The following LRP6 variants were observed in gnomAD, a reference collection of about 807,000 sequenced individuals.
LRP6 encodes the protein LDL receptor related protein 6, also known as low-density lipoprotein receptor-related protein 6.
LRP6 carries 43 observed loss-of-function variants against 184.1 expected under a neutral mutation model. That is an observed-to-expected ratio of 0.23 (90% CI 0.18 to 0.30). LRP6 has a LOEUF of 0.30. Among genes scored for constraint, LRP6 ranks in the 10% least tolerant of loss-of-function variants. The pLI is 1.00. For synonymous variants in LRP6, 719 were observed against 684.9 expected, an observed-to-expected ratio of 1.05 and a Z score of -0.78; for missense variants, 1,571 against 2,005.3, an observed-to-expected ratio of 0.78 and a Z score of 4.14.
chr12:12,166,767 A>G (rs1243006970), intron 7 of LRP6, among the ~76,000 whole-genome samples: 1 of 152,258 alleles, frequency 6.6e-6, no homozygotes, highest in African/African-American at 2.4e-5. Context: ...TTTGATAAAT[A>G]AATAGCTTAA....
Position 12,120,946 on chromosome 12 carries a change from TATATAA to T in LRP6, c.*174_*179del. The T allele has an allele frequency of 2.0e-6, 1 of 495,458 alleles. No homozygotes were observed. The highest frequency in any genetic ancestry group is 3.2e-5 in the East Asian group (1 of 31,134). 30.7% of individuals were successfully genotyped at this position (495,458 alleles called of 1,614,324 possible). On this transcript the variant is annotated 3_prime_UTR_variant, in exon 23 of 23. Coordinates refer to ENST00000261349, the MANE Select transcript of LRP6 (RefSeq NM_002336.3). Reference sequence around the variant, plus strand: ...CAGCAAATCTGCTGTTTTAAGAAAATATATAAATATCCTTTTCTTCTGTACAAATAT... The same window carrying T: ...CAGCAAATCTGCTGTTTTAAGAAAATATATCCTTTTCTTCTGTACAAATAT...
At chr12:12,264,715 T>G (rs560563518) in intron 1 of LRP6, among the ~76,000 whole-genome samples, 1 of 152,344 alleles carries the variant, frequency 6.6e-6, no homozygotes, top group East Asian at 1.9e-4. Flanking sequence ...GAATTAATTC[T>G]AAATTATGAA....
intron 1 of LRP6, 79 bp downstream of exon 1, chr12:12,266,602 T>A: frequency 1.1e-4 from 72 of 670,332 alleles, no homozygotes; most frequent in Non-Finnish European, 1.5e-4. Context: ...CCTCCGTCCC[T>A]CCCCTCCCCC....
intron 7 of LRP6, among the ~76,000 whole-genome samples, chr12:12,177,025 T>G (rs1015992510): frequency 1.3e-5 from 2 of 151,928 alleles, no homozygotes; most frequent in Non-Finnish European, 2.9e-5. Context: ...TTTTTGTATT[T>G]TTACTACAGA....
chr12:12,248,531 G>GAGTGCAGT (rs1201315779), intron 1 of LRP6, among the ~76,000 whole-genome samples: 1 of 136,824 alleles, frequency 7.3e-6, no homozygotes, highest in Non-Finnish European at 1.5e-5. Context: ...GCCCAGGCTG[G>GAGTGCAGT]AGTGCAGTGG....
chr12:12,166,777 A>C (rs1862888414), intron 7 of LRP6, among the ~76,000 whole-genome samples: 1 of 152,226 alleles, frequency 6.6e-6, no homozygotes, highest in Non-Finnish European at 1.5e-5. Context: ...AAATAGCTTA[A>C]ACAAAAGATG....
chr12:12,261,964 C>T (rs1463797774), intron 1 of LRP6, among the ~76,000 whole-genome samples: 1 of 152,124 alleles, frequency 6.6e-6, no homozygotes, highest in Non-Finnish European at 1.5e-5. Context: ...CTAAAAAGGC[C>T]AGGCGCGGTG....
At chr12:12,259,170 G>A (rs1213885790) in intron 1 of LRP6, among the ~76,000 whole-genome samples, 1 of 151,540 alleles carries the variant, frequency 6.6e-6, no homozygotes, top group African/African-American at 2.4e-5. Flanking sequence ...GGCTGAGACA[G>A]GAGAATCACT....
intron 13 of LRP6, among the ~76,000 whole-genome samples, chr12:12,149,491 G>A (rs937859873): frequency 6.6e-6 from 1 of 152,168 alleles, no homozygotes; most frequent in African/African-American, 2.4e-5. Context: ...CCACACCCTA[G>A]AAATATCTCT....
intron 2 of LRP6, among the ~76,000 whole-genome samples, chr12:12,212,373 G>T (rs1351165542): frequency 6.6e-6 from 1 of 152,156 alleles, no homozygotes; most frequent in African/African-American, 2.4e-5. Flanking sequence ...GTTATGAGCT[G>T]CTTTTCTTTG....
Position 12,120,036 on chromosome 12 carries a change from TATATA to T in LRP6, c.*1085_*1089del, listed in dbSNP as rs1949583065. 7.7e-5 allele frequency: 9 copies of T among 116,608 alleles called. No homozygotes were observed. Among genetic ancestry groups the T allele is most frequent in the Non-Finnish European group, 1.6e-4 (9 of 56,026 alleles). The allele number at this position is 116,608 out of a possible 1,614,324, so 7.2% of individuals were successfully genotyped here. On this transcript the variant is annotated 3_prime_UTR_variant, in exon 23 of 23. Coordinates refer to ENST00000261349, the MANE Select transcript of LRP6 (RefSeq NM_002336.3). ...ATATATATATATATATATATATATA[TATATA>T]TAAATGATTTCGTACTGTGATATAT... is the stretch of plus-strand genomic sequence containing the variant.
At chr12:12,190,846 T>C (rs2137013483) in intron 3 of LRP6, among the ~76,000 whole-genome samples, 1 of 152,312 alleles carries the variant, frequency 6.6e-6, no homozygotes, top group African/African-American at 2.4e-5. Flanking sequence ...ATGTCAGCAG[T>C]GATGGCAAAG....
intron 2 of LRP6, among the ~76,000 whole-genome samples, chr12:12,229,408 C>CAG (rs1864722914): frequency 1.3e-5 from 2 of 150,564 alleles, no homozygotes; most frequent in South Asian, 4.2e-4. Context: ...AAGAATATCT[C>CAG]ACACTGAGAC....
At chr12:12,153,425 T>C (rs1390048883) in intron 12 of LRP6, among the ~76,000 whole-genome samples, 2 of 152,216 alleles carry the variant, frequency 1.3e-5, no homozygotes, top group African/African-American at 4.8e-5. Flanking sequence ...GATATTTTGC[T>C]GGGTACTCTC....
intron 3 of LRP6, among the ~76,000 whole-genome samples, chr12:12,199,663 T>C (rs1272586434): frequency 6.6e-6 from 1 of 151,870 alleles, no homozygotes; most frequent in East Asian, 1.9e-4. Context: ...GTGAAGATAA[T>C]TCAGTAATAA....
intron 7 of LRP6, among the ~76,000 whole-genome samples, chr12:12,174,188 T>C (rs893316294): frequency 6.6e-6 from 1 of 152,078 alleles, no homozygotes; most frequent in Non-Finnish European, 1.5e-5. Context: ...CTCGGCTCAC[T>C]GCAACCTCCG....
intron 2 of LRP6, among the ~76,000 whole-genome samples, chr12:12,231,717 CA>C (rs1325420871): frequency 6.7e-6 from 1 of 148,998 alleles, no homozygotes; most frequent in Admixed American, 6.7e-5. Context: ...TAAACAACAA[CA>C]AAAAAAACTC....
At position 12,260,344 on chromosome 12, in the gene LRP6, C is replaced by CA. The variant is rs543578569; in HGVS notation, c.55+6336_55+6337insT. 2.1e-3 allele frequency among the ~76,000 whole-genome samples: 316 copies of CA among 150,210 alleles called. 2 individuals carry two copies. The highest frequency in any genetic ancestry group is 7.5e-3 in the African/African-American group (307 of 40,848). The stretch of plus-strand genomic sequence containing the variant: ...AGTGAGCCGAGATTACGCCACTGCA[C>CA]TCCAGCCTGGGCGACTGAGCAAGAC... On this transcript the variant is annotated intron_variant, in intron 1 of 22. Transcript: ENST00000261349.
intron 1 of LRP6, among the ~76,000 whole-genome samples, chr12:12,258,851 G>C (rs1018401244): frequency 6.6e-6 from 1 of 152,118 alleles, no homozygotes; most frequent in Admixed American, 6.5e-5. Context: ...TTGTAGTTTG[G>C]GTCTTGTAGT....
Sources: gnomAD v4.1 joint callset for allele counts (sites outside exome capture counted in the v4.1 genomes callset) on GRCh38, gnomAD v4.1.1 for gene constraint, MANE v1.5 for transcripts, NCBI Gene and HGNC (gene_info 2026-07-23, HGNC 2026-07-21) for gene names.